The following ZFHX3 variants were observed in gnomAD, a reference collection of about 807,000 sequenced individuals.
ZFHX3 encodes the protein zinc finger homeobox protein 3.
A neutral mutation model predicts 279.1 loss-of-function variants in ZFHX3; 42 were observed. The observed-to-expected ratio is 0.15, with a 90% CI of 0.12 to 0.19. ZFHX3 has a LOEUF of 0.19. ZFHX3 is among the 10% of genes least tolerant of loss of function. The pLI is 1.00. For missense variants in ZFHX3, 4,981 were observed against 4,754.0 expected, an observed-to-expected ratio of 1.05 and a Z score of -1.40; for synonymous variants, 2,293 against 1,957.8, an observed-to-expected ratio of 1.17 and a Z score of -4.52.
intron 4 of ZFHX3, among the ~76,000 whole-genome samples, chr16:72,887,885 G>A (rs2038670758): frequency 1.3e-5 from 2 of 152,002 alleles, no homozygotes; most frequent in Non-Finnish European, 2.9e-5. Context: ...GTGCGCGCAC[G>A]TGCGAGAACG....
chr16:73,659,972 T>A (rs183658413), intron 2 of ZFHX3, among the ~76,000 whole-genome samples: 67 of 152,292 alleles, frequency 4.4e-4, no homozygotes, highest in African/African-American at 1.3e-3. Context: ...TTTCCTAAGC[T>A]CTCTTTGCAT....
chr16:73,626,797 G>A (rs2142142947), intron 2 of ZFHX3, among the ~76,000 whole-genome samples: 1 of 152,098 alleles, frequency 6.6e-6, no homozygotes, highest in East Asian at 1.9e-4. Flanking sequence ...TCATATCTGG[G>A]GCTCTAAACC....
intron 1 of ZFHX3, among the ~76,000 whole-genome samples, chr16:73,850,938 CCAA>C (rs1341187154): frequency 6.6e-6 from 1 of 152,200 alleles, no homozygotes; most frequent in Non-Finnish European, 1.5e-5. Context: ...CCAGAACCCA[CCAA>C]CAAGGGTGAT....
chr16:73,445,528 C>T (rs142360542), intron 3 of ZFHX3, among the ~76,000 whole-genome samples: 2 of 152,140 alleles, frequency 1.3e-5, no homozygotes. Flanking sequence ...ATGGAACTAT[C>T]TGAGCAGCCC....
intron 6 of ZFHX3, among the ~76,000 whole-genome samples, chr16:73,136,009 C>T (rs1966783347): frequency 6.6e-6 from 1 of 152,152 alleles, no homozygotes; most frequent in Admixed American, 6.6e-5. Context: ...AGGCACACGC[C>T]ACCATGCCCA....
chr16:73,473,764 C>T (rs984351934), intron 2 of ZFHX3, among the ~76,000 whole-genome samples: 1 of 152,272 alleles, frequency 6.6e-6, no homozygotes, highest in South Asian at 2.1e-4. Flanking sequence ...ACTGGTTTTC[C>T]CATCTGTTTC....
rs376501779 is a variant in ZFHX3, at chr16:73,677,575, G to T, written c.-1547+2605C>A. On this transcript the variant is annotated intron_variant, in intron 2 of 17. Transcript: ENST00000641206. ...CTAATCACAAAAAAAGATATATTAA[G>T]AATAAGAAAAGTGATTTAACAATAG... Among the ~76,000 whole-genome samples, 6 of 151,774 alleles carry T rather than the reference G, an allele frequency of 4.0e-5. 1 individual carries two copies. The East Asian group carries it at 5.8e-4, about 15-fold the overall frequency.
At chr16:73,734,465 A>G (rs76831847) in intron 1 of ZFHX3, among the ~76,000 whole-genome samples, 44 of 152,354 alleles carry the variant, frequency 2.9e-4, no homozygotes, top group East Asian at 2.7e-3. Context: ...ATTTTGTATC[A>G]CAAAGAGTTT....
At chr16:72,964,417 C>T (rs751426505) in intron 1 of ZFHX3, among the ~76,000 whole-genome samples, 2 of 152,078 alleles carry the variant, frequency 1.3e-5, no homozygotes, top group Non-Finnish European at 2.9e-5. Flanking sequence ...TAAATGAACA[C>T]AGCACATATA....
intron 3 of ZFHX3, chr16:73,388,919 C>G (rs1475769560): frequency 6.6e-6 from 1 of 152,224 alleles, no homozygotes; most frequent in African/African-American, 2.4e-5. Context: ...CTTTACATCA[C>G]GACGACAGAA....
chr16:73,618,110 C>T (rs562394047), intron 2 of ZFHX3, among the ~76,000 whole-genome samples: 1 of 152,316 alleles, frequency 6.6e-6, no homozygotes, highest in African/African-American at 2.4e-5. Context: ...CAACTGGACA[C>T]TAGCAGTGTG....
chr16:73,175,943 A>G (rs1967653994), intron 5 of ZFHX3, among the ~76,000 whole-genome samples: 1 of 152,210 alleles, frequency 6.6e-6, no homozygotes, highest in South Asian at 2.1e-4. Flanking sequence ...AGCACAAGGA[A>G]TATTTGTGGA....
intron 4 of ZFHX3, among the ~76,000 whole-genome samples, chr16:73,263,443 C>T (rs114749872): frequency 0.014 from 2,060 of 152,312 alleles, 53 homozygotes; most frequent in African/African-American, 0.048. Flanking sequence ...CCTGCCTCGG[C>T]CTCCCAGACT....
intron 1 of ZFHX3, among the ~76,000 whole-genome samples, chr16:73,727,245 C>G (rs1019815376): frequency 3.3e-5 from 5 of 152,192 alleles, no homozygotes; most frequent in African/African-American, 9.7e-5. Context: ...TGGGGCCCCC[C>G]ACCCAAGCCA....
rs766300197 is a variant in ZFHX3, at chr16:72,957,767, G to C, written c.2379C>G (p.Pro793=). 24 of 1,612,278 alleles carry C rather than the reference G, an allele frequency of 1.5e-5. No individual in the cohort carries two copies. In the South Asian group the frequency reaches 2.6e-4, roughly 18 times the overall value. The change falls in exon 2 of 10, where the codon CCC becomes CCG. Residue 793 remains proline (P), a synonymous_variant. Coordinates refer to ENST00000268489, the MANE Select transcript of ZFHX3 (RefSeq NM_006885.4). The part of the protein sequence containing the change: ...AANISSSCGA[P]SPTKPKTKPT... ...GTTTGGTTTTTGGTTTGGTCGGCGA[G>C]GGGGCCCCGCAGGAGCTACTGATAT... is the stretch of plus-strand genomic sequence containing the variant.
At chr16:73,063,577 A>G (rs534561245), upstream of ZFHX3, among the ~76,000 whole-genome samples, 15 of 152,106 alleles carry the variant, frequency 9.9e-5, no homozygotes, top group Non-Finnish European at 5.9e-5. Context: ...AATGCGCCAG[A>G]CAGTGAGTAG....
chr16:72,964,338 T>C (rs1167637961), intron 1 of ZFHX3, among the ~76,000 whole-genome samples: 1 of 152,190 alleles, frequency 6.6e-6, no homozygotes, highest in African/African-American at 2.4e-5. Flanking sequence ...CAGAGCTCCA[T>C]ATGTTGTTAT....
At chr16:73,845,682 G>C (rs1261175022) in intron 1 of ZFHX3, among the ~76,000 whole-genome samples, 2 of 152,128 alleles carry the variant, frequency 1.3e-5, no homozygotes, top group African/African-American at 2.4e-5. Flanking sequence ...TTTCCAACAT[G>C]CGTTGTCATG....
intron 1 of ZFHX3, among the ~76,000 whole-genome samples, chr16:73,846,542 C>T (rs763526307): frequency 3.9e-5 from 6 of 152,124 alleles, no homozygotes; most frequent in Admixed American, 6.5e-5. Flanking sequence ...AGAGGCTTTG[C>T]GAGTGGCCCT....
Sources: allele counts gnomAD v4.1 joint callset (sites outside exome capture counted in the v4.1 genomes callset), GRCh38; gene constraint gnomAD v4.1.1; transcripts MANE v1.5; gene names NCBI Gene and HGNC (gene_info 2026-07-23, HGNC 2026-07-21).